CTNNA3: variants seen among roughly 807,000 people sequenced by gnomAD.
The protein encoded by CTNNA3 is catenin alpha 3.
Under a neutral mutation model 95.7 loss-of-function variants are expected in CTNNA3, and 76 were observed. The observed-to-expected ratio is 0.79, with a 90% CI of 0.66 to 0.96. The LOEUF (loss-of-function observed/expected upper bound fraction) is 0.96, where lower values mean the gene tolerates loss of function less well. Among genes scored for constraint, CTNNA3 ranks in the 40% least tolerant of loss-of-function variants. The pLI is 0.00. For synonymous variants in CTNNA3, 431 were observed against 374.4 expected, an observed-to-expected ratio of 1.15 and a Z score of -1.74; for missense variants, 1,191 against 1,089.8, an observed-to-expected ratio of 1.09 and a Z score of -1.31.
chr10:67,098,584 T>G (rs917017630), intron 7 of CTNNA3: 10 of 152,336 alleles, frequency 6.6e-5, no homozygotes, highest in African/African-American at 2.4e-4. Context: ...TATTTCCGAA[T>G]GAATGACTCA....
At chr10:66,360,746 TCC>T (rs2092658472) in intron 12 of CTNNA3, among the ~76,000 whole-genome samples, 2 of 37,532 alleles carry the variant, frequency 5.3e-5, no homozygotes, top group African/African-American at 3.8e-4. Context: ...CTTTCTTTCT[TCC>T]TTCCTTCCTT....
chr10:67,504,450 A>AC (rs1025484762), intron 5 of CTNNA3, among the ~76,000 whole-genome samples: 2 of 150,168 alleles, frequency 1.3e-5, no homozygotes, highest in African/African-American at 4.9e-5. Flanking sequence ...AAAAAAAAAA[A>AC]AAAAAAAAAA....
At chr10:66,176,186 A>G (rs1000950424) in intron 13 of CTNNA3, among the ~76,000 whole-genome samples, 1 of 152,184 alleles carries the variant, frequency 6.6e-6, no homozygotes, top group Non-Finnish European at 1.5e-5. Flanking sequence ...GTGTGCGCAC[A>G]TGTATTTGTG....
chr10:66,589,681 T>C (rs547794194), intron 10 of CTNNA3, among the ~76,000 whole-genome samples: 1 of 152,290 alleles, frequency 6.6e-6, no homozygotes, highest in African/African-American at 2.4e-5. Flanking sequence ...AGTTGAGATG[T>C]TGTCATATTA....
intron 12 of CTNNA3, among the ~76,000 whole-genome samples, chr10:66,320,714 T>A (rs1013236047): frequency 6.6e-6 from 1 of 152,088 alleles, no homozygotes; most frequent in African/African-American, 2.4e-5. Context: ...TTCTAATACA[T>A]CTGTAAAAAT....
At chr10:67,522,977 T>G (rs1840030070) in intron 4 of CTNNA3, among the ~76,000 whole-genome samples, 1 of 152,306 alleles carries the variant, frequency 6.6e-6, no homozygotes, top group African/African-American at 2.4e-5. Flanking sequence ...GTGACTATGA[T>G]GCCATGAGAC....
At chr10:66,729,201 C>T (rs188289909) in intron 9 of CTNNA3, among the ~76,000 whole-genome samples, 135 of 152,290 alleles carry the variant, frequency 8.9e-4, no homozygotes, top group Admixed American at 2.8e-3. Context: ...ATATGAAAAA[C>T]AGCTCAACAT....
intron 13 of CTNNA3, among the ~76,000 whole-genome samples, chr10:66,206,104 G>A (rs1043722863): frequency 2.0e-5 from 3 of 151,990 alleles, no homozygotes; most frequent in Admixed American, 6.6e-5. Flanking sequence ...AGTGAGAAGT[G>A]AGAAATTTAG....
intron 12 of CTNNA3, among the ~76,000 whole-genome samples, chr10:66,330,931 T>C (rs1250040552): frequency 2.0e-5 from 3 of 152,038 alleles, no homozygotes; most frequent in East Asian, 3.9e-4. Context: ...TGTTTTTTGC[T>C]TGTAAATTTG....
Position 66,207,032 on chromosome 10 carries a change from T to C in CTNNA3, c.1884+73438A>G, listed in dbSNP as rs559362398. On this transcript the variant is annotated intron_variant, in intron 13 of 17. Coordinates refer to ENST00000433211, the MANE Select transcript of CTNNA3 (RefSeq NM_013266.4). ...TGTGCATGTATATTCAGTTGCCATGTAGCATCTCAGAACTGGGTATGATTC... is the reference window on the plus strand; with the variant it reads ...TGTGCATGTATATTCAGTTGCCATGCAGCATCTCAGAACTGGGTATGATTC... Among the ~76,000 whole-genome samples, 3 of 152,062 alleles carry C rather than the reference T, an allele frequency of 2.0e-5. 1 individual carries two copies. The highest frequency in any genetic ancestry group is 4.8e-5 in the African/African-American group (2 of 41,546).
At chr10:67,669,848 G>C (rs1231572207) in intron 1 of CTNNA3, among the ~76,000 whole-genome samples, 1 of 152,140 alleles carries the variant, frequency 6.6e-6, no homozygotes. Context: ...GCTTTATTTA[G>C]CAAATTGAAT....
rs1841875118 is a variant in CTNNA3, at chr10:67,333,462, C to T, written c.580-113592G>A. ...TATATACATAATATCATCAACAGCT[C>T]ATATATTCTGTGGGCTGGTTTTATG... On this transcript the variant is annotated intron_variant, in intron 5 of 17. Transcript: ENST00000433211. 2.0e-5 allele frequency among the ~76,000 whole-genome samples: 3 copies of T among 152,240 alleles called. No individual in the cohort carries two copies. In the South Asian group the frequency reaches 6.2e-4, roughly 32 times the overall value.
In CTNNA3 at chr10:67,159,496, T is replaced by C. The variant is rs539587988; in HGVS notation, c.1047+20821A>G. On this transcript the variant is annotated intron_variant, in intron 7 of 17. Coordinates refer to ENST00000433211, the MANE Select transcript of CTNNA3 (RefSeq NM_013266.4). ...AGACATACAGACCAATGGAACAGAA[T>C]AGAGAGCCCAGAAATGAAACCACAT... Among the ~76,000 whole-genome samples the C allele has an allele frequency of 5.3e-5, 8 of 152,204 alleles. No individual in the cohort carries two copies. The South Asian group carries it at 1.7e-3, about 32-fold the overall frequency.
intron 9 of CTNNA3, among the ~76,000 whole-genome samples, chr10:66,664,863 G>A (rs1846386984): frequency 6.8e-6 from 1 of 146,276 alleles, no homozygotes; most frequent in Admixed American, 6.9e-5. Flanking sequence ...ATCCACCCTG[G>A]CTGAATATGA....
At chr10:67,620,152 C>T (rs1452608568) in intron 2 of CTNNA3, among the ~76,000 whole-genome samples, 1 of 152,130 alleles carries the variant, frequency 6.6e-6, no homozygotes, top group Non-Finnish European at 1.5e-5. Context: ...TCTGAAGCAC[C>T]ATCAAGGGCC....
At chr10:66,388,022 C>A (rs1040777644) in intron 11 of CTNNA3, among the ~76,000 whole-genome samples, 3 of 151,990 alleles carry the variant, frequency 2.0e-5, no homozygotes, top group Non-Finnish European at 4.4e-5. Context: ...TGCAGCAAAC[C>A]AACATGGCAC....
At chr10:67,103,680 C>A (rs1041879907) in intron 7 of CTNNA3, among the ~76,000 whole-genome samples, 8 of 151,734 alleles carry the variant, frequency 5.3e-5, no homozygotes, top group African/African-American at 1.9e-4. Flanking sequence ...CTCCTACCCC[C>A]ATCATAGCAC....
At chr10:66,190,306 C>T (rs922671645) in intron 13 of CTNNA3, among the ~76,000 whole-genome samples, 2 of 152,088 alleles carry the variant, frequency 1.3e-5, no homozygotes, top group African/African-American at 4.8e-5. Context: ...TAAAAACAAA[C>T]CTGTCAAACA....
chr10:66,838,521 G>C (rs7902294), intron 7 of CTNNA3, among the ~76,000 whole-genome samples: 36,401 of 151,796 alleles, frequency 0.24, 4,826 homozygotes, highest in East Asian at 0.4. Context: ...TGTTGGGGAA[G>C]ATGGTGAAGC....
Sources: allele counts gnomAD v4.1 joint callset (sites outside exome capture counted in the v4.1 genomes callset), GRCh38; gene constraint gnomAD v4.1.1; transcripts MANE v1.5; gene names NCBI Gene and HGNC (gene_info 2026-07-23, HGNC 2026-07-21).